CR1: variants seen among roughly 807,000 people sequenced by gnomAD.
CR1 encodes complement receptor type 1.
In CR1, 116 loss-of-function variants were observed where a neutral mutation model predicts 187.3. The observed-to-expected ratio is 0.62, with a 90% CI of 0.53 to 0.72. CR1 has a LOEUF of 0.72. CR1 is among the 30% of genes least tolerant of loss of function. The pLI is 0.00. For missense variants in CR1, 1,731 were observed against 2,110.7 expected, an observed-to-expected ratio of 0.82 and a Z score of 3.52; for synonymous variants, 576 against 747.1, an observed-to-expected ratio of 0.77 and a Z score of 3.73.
rs1378457699 is a variant in CR1, at chr1:207,506,709, T to A, written c.302-5T>A. 4 of 1,613,048 alleles carry A rather than the reference T, an allele frequency of 2.5e-6. No individual in the cohort carries two copies. The highest frequency in any genetic ancestry group is 1.3e-5 in the African/African-American group (1 of 75,024). ...TGGCTCCAAAATTCTGTTTCTTTCC[T>A]GTAGGTAAATCATGTCGTAATCCTC... On this transcript the variant is annotated splice_region_variant and splice_polypyrimidine_tract_variant and intron_variant, in intron 2 of 46. Coordinates refer to ENST00000367049, the MANE Select transcript of CR1 (RefSeq NM_000651.6).
In CR1 at chr1:207,564,035, G is replaced by A. The variant is rs1660406652; in HGVS notation, c.3758G>A (p.Cys1253Tyr). The A allele has an allele frequency of 6.6e-7, 1 of 1,520,456 alleles. No homozygotes were observed. Among genetic ancestry groups the A allele is most frequent in the South Asian group, 1.2e-5 (1 of 80,920 alleles). 94.2% of individuals were successfully genotyped at this position (1,520,456 alleles called of 1,614,324 possible). A position where few individuals can be genotyped will look rare whatever the true frequency, so the allele number is the denominator to read the frequency against. The part of the protein sequence containing the change: ...QGDWSPAAPT[C>Y]EVKSCDDFMG... The stretch of plus-strand genomic sequence containing the variant: ...GACTGGAGCCCTGCAGCCCCCACAT[G>A]TGAAGGTGACTAGACTCTTATCTGG... The change falls in exon 22 of 47, where the codon TGT becomes TAT. Residue 1253 changes from cysteine to tyrosine, a missense_variant. Coordinates refer to ENST00000367049, the MANE Select transcript of CR1 (RefSeq NM_000651.6).
intron 46 of CR1, among the ~76,000 whole-genome samples, chr1:207,638,887 C>G (rs931323237): frequency 2.0e-5 from 3 of 152,214 alleles, no homozygotes; most frequent in Non-Finnish European, 4.4e-5. Context: ...AGCAGAGAGA[C>G]TGCCTTTATA....
intron 40 of CR1, among the ~76,000 whole-genome samples, chr1:207,615,893 G>A (rs1241400280): frequency 2.6e-5 from 4 of 152,150 alleles, no homozygotes; most frequent in Non-Finnish European, 1.5e-5. Context: ...ACATAATTCT[G>A]ATAAATTTGG....
In CR1 at chr1:207,568,176, A is replaced by G. The variant is rs1571541354; in HGVS notation, c.4171+134A>G. The G allele has an allele frequency of 1.8e-5, 26 of 1,449,284 alleles. No individual in the cohort carries two copies. The East Asian group carries it at 5.9e-4, about 33-fold the overall frequency. 89.8% of individuals were successfully genotyped at this position (1,449,284 alleles called of 1,614,324 possible). On this transcript the variant is annotated intron_variant, in intron 25 of 46. Transcript: ENST00000367049. ...CAATGGAATGCCAAACCAATGATAG[A>G]TGGTTCTAAGGTAGGTCAACACATA...
intron 1 of CR1, among the ~76,000 whole-genome samples, chr1:207,504,419 T>C (rs1572987991): frequency 6.6e-6 from 1 of 151,652 alleles, no homozygotes; most frequent in Middle Eastern, 3.4e-3. Flanking sequence ...CCTAATAACC[T>C]CAAAATATAT....
At chr1:207,565,750 T>C (rs1660473635) in intron 23 of CR1, 88 bp from the exon 24 acceptor site, 1 of 1,574,512 alleles carries the variant, frequency 6.4e-7, no homozygotes, top group Admixed American at 1.7e-5. Context: ...ATCCTCAAAA[T>C]CCTGAAATTG....
chr1:207,605,337 CCACACACACA>C (rs61201153), intron 35 of CR1, among the ~76,000 whole-genome samples: 4 of 142,694 alleles, frequency 2.8e-5, no homozygotes, highest in South Asian at 2.2e-4. Context: ...AATATTCTCA[CCACACACACA>C]CACACACACA....
intron 1 of CR1, among the ~76,000 whole-genome samples, chr1:207,505,337 G>T (rs111638745): frequency 0.029 from 4,373 of 151,492 alleles, 214 homozygotes; most frequent in African/African-American, 0.099. Flanking sequence ...CTAACTTTTT[G>T]TATTTTGGGA....
chr1:207,595,435 G>A (rs886394422), intron 35 of CR1, among the ~76,000 whole-genome samples: 7 of 152,058 alleles, frequency 4.6e-5, no homozygotes, highest in Admixed American at 2.0e-4. Context: ...GCCCTACATG[G>A]AAGAAAATTA....
chr1:207,586,927 C>A (rs771597542), intron 33 of CR1, among the ~76,000 whole-genome samples: 8 of 152,184 alleles, frequency 5.3e-5, no homozygotes, highest in Non-Finnish European at 8.8e-5. Context: ...GGGAGAACAT[C>A]ATTCAACTCA....
At chr1:207,511,530 T>C (rs1659617111) in intron 3 of CR1, 39 bp from the exon 4 acceptor site, 3 of 1,589,676 alleles carry the variant, frequency 1.9e-6, no homozygotes, top group Non-Finnish European at 1.7e-6. Context: ...AGTTGACCTG[T>C]GTCTTTAGAA....
At chr1:207,597,559 A>G (rs1043895521) in intron 35 of CR1, among the ~76,000 whole-genome samples, 1 of 152,220 alleles carries the variant, frequency 6.6e-6, no homozygotes. Flanking sequence ...GATGTTTTGT[A>G]TTAGGATGGT....
rs1407939215 is a variant in CR1 at position 207,630,555 on chromosome 1, A to G, written c.7391A>G (p.His2464Arg). The G allele has an allele frequency of 1.9e-6, 3 of 1,611,016 alleles. No individual in the cohort carries two copies. Among genetic ancestry groups the G allele is most frequent in the African/African-American group, 2.7e-5 (2 of 74,914 alleles). Residue 2464 changes from histidine (H) to arginine (R), a missense_variant, in exon 46 of 47, where the codon CAT becomes CGT. Physicochemically the swap from His to Arg is conservative, Grantham distance 29 (BLOSUM62 0). Around this residue, in one of 5 missense-constraint regions of CR1, gnomAD observed 1,312 missense variants for 1,379.6 expected, o/e 0.95. Coordinates refer to ENST00000367049, the MANE Select transcript of CR1 (RefSeq NM_000651.6). Reference sequence around the variant, plus strand: ...GAAAACCCTAAAGAAGTGGCTATCCATTTACATTCTCAAGGAGGCAGCAGC... The same window carrying G: ...GAAAACCCTAAAGAAGTGGCTATCCGTTTACATTCTCAAGGAGGCAGCAGC... ...AHENPKEVAIHLHSQGGSSVH... is the reference protein window; with the variant it reads ...AHENPKEVAIRLHSQGGSSVH...
chr1:207,577,276 C>T (rs1309629487), intron 28 of CR1, among the ~76,000 whole-genome samples: 1 of 140,858 alleles, frequency 7.1e-6, no homozygotes. Flanking sequence ...AAAAAAAAAA[C>T]ACATGGACTC....
At chr1:207,622,152 T>C (rs1662333676) in intron 44 of CR1, among the ~76,000 whole-genome samples, 156 bp downstream of exon 44, 1 of 152,222 alleles carries the variant, frequency 6.6e-6, no homozygotes, top group African/African-American at 2.4e-5. Context: ...AAGAAAATAA[T>C]GATAAGTTAG....
chr1:207,522,080 C>T (rs1660015522), intron 4 of CR1, among the ~76,000 whole-genome samples: 1 of 152,070 alleles, frequency 6.6e-6, no homozygotes, highest in Non-Finnish European at 1.5e-5. Flanking sequence ...GTTATTTTAT[C>T]TCTCCAAATA....
At chr1:207,634,101 C>T (rs1662735836) in intron 46 of CR1, among the ~76,000 whole-genome samples, 1 of 152,102 alleles carries the variant, frequency 6.6e-6, no homozygotes, top group Non-Finnish European at 1.5e-5. Flanking sequence ...AGGGCATTTT[C>T]ACTTCTTTTG....
intron 35 of CR1, among the ~76,000 whole-genome samples, chr1:207,596,890 CAT>C (rs959246457): frequency 3.3e-4 from 49 of 147,778 alleles, no homozygotes; most frequent in African/African-American, 1.2e-3. Context: ...TGATTTTTAA[CAT>C]ATTTTGATTT....
intron 45 of CR1, among the ~76,000 whole-genome samples, chr1:207,628,078 T>C (rs1331603159): frequency 6.6e-6 from 1 of 152,208 alleles, no homozygotes; most frequent in Admixed American, 6.5e-5. Context: ...ATTCAGTCCA[T>C]TGTACCAACA....
Sources: allele counts gnomAD v4.1 joint callset (sites outside exome capture counted in the v4.1 genomes callset), GRCh38; gene constraint gnomAD v4.1.1; regional missense constraint gnomAD v4.1.1; transcripts MANE v1.5; gene names NCBI Gene and HGNC (gene_info 2026-07-23, HGNC 2026-07-21).